RNF213: variants seen among roughly 807,000 people sequenced by gnomAD.
RNF213 encodes ring finger protein 213.
RNF213 carries 341 observed loss-of-function variants against 514.4 expected under a neutral mutation model. The observed-to-expected ratio is 0.66, with a 90% CI of 0.61 to 0.73. RNF213 has a LOEUF of 0.73. Ranked by LOEUF, RNF213 falls within the 30% of genes least tolerant of loss-of-function variation. The pLI is 0.00. For synonymous variants in RNF213, 2,655 were observed against 2,658.2 expected (o/e 1.00, Z 0.04); for missense variants, 5,767 against 6,615.6 (o/e 0.87, Z 4.45).
intron 1 of RNF213, among the ~76,000 whole-genome samples, chr17:80,262,901 C>T (rs560785363): frequency 6.6e-6 from 1 of 152,306 alleles, no homozygotes; most frequent in East Asian, 1.9e-4. Flanking sequence ...GCCACTGCCC[C>T]AGTGGAGTTC....
chr17:80,328,116 C>T, intron 19 of RNF213, 127 bp downstream of exon 19: 1 of 1,221,198 alleles, frequency 8.2e-7, no homozygotes, highest in Non-Finnish European at 1.1e-6. Flanking sequence ...AGTATCTCTT[C>T]TTGCTCATAA....
chr17:80,332,209 G>T lies in RNF213; in HGVS notation c.3721G>T (p.Ala1241Ser), dbSNP rs866950138. 1 of 1,537,146 alleles carries T rather than the reference G, an allele frequency of 6.5e-7. No individual in the cohort carries two copies. Among genetic ancestry groups the T allele is most frequent in the Non-Finnish European group, 8.7e-7 (1 of 1,146,916 alleles). Residue 1241 changes from alanine (A) to serine (S), a missense_variant, in exon 21 of 68, where the codon GCA becomes TCA. Around this residue, in one of 13 missense-constraint regions of RNF213, gnomAD observed 516 missense variants for 566.5 expected, o/e 0.91. Transcript: ENST00000582970. ...HIFQLFWREA[A>S]EPLSEPKEDQ... Reference sequence around the variant, plus strand: ...CTTCCAGCTCTTCTGGCGGGAAGCCGCAGAGCCGCTGAGTGAGCCTAAGGA... The same window carrying T: ...CTTCCAGCTCTTCTGGCGGGAAGCCTCAGAGCCGCTGAGTGAGCCTAAGGA...
intron 10 of RNF213, 99 bp downstream of exon 10, chr17:80,295,912 G>A: frequency 1.4e-6 from 2 of 1,408,526 alleles, no homozygotes; most frequent in Non-Finnish European, 2.0e-6. Context: ...AAAGCACACA[G>A]GCAAGAAATA....
intron 26 of RNF213, chr17:80,340,580 C>A: frequency 5.6e-6 from 3 of 539,050 alleles, no homozygotes; most frequent in East Asian, 3.3e-5. Flanking sequence ...TTCCTCCTCT[C>A]AGCAAACATC....
Position 80,315,299 on chromosome 17 carries a change from G to A in RNF213, c.2812-1889G>A, listed in dbSNP as rs565403500. Among the ~76,000 whole-genome samples, 4 of 65,486 alleles carry A rather than the reference G, an allele frequency of 6.1e-5. 1 individual carries two copies. Among genetic ancestry groups the A allele is most frequent in the Non-Finnish European group, 1.1e-4 (4 of 35,532 alleles). 43.0% of individuals were successfully genotyped at this position (65,486 alleles called of 152,430 possible). A position where few individuals can be genotyped will look rare whatever the true frequency, so the allele number is the denominator to read the frequency against. On this transcript the variant is annotated intron_variant, in intron 15 of 67. Coordinates refer to ENST00000582970, the MANE Select transcript of RNF213 (RefSeq NM_001256071.3). ...AGGTGATGGTGGTGGTGGTGGTGGAGGTAATGGAGGTGATGGTGGTGGTGG... is the reference window on the plus strand; with the variant it reads ...AGGTGATGGTGGTGGTGGTGGTGGAAGTAATGGAGGTGATGGTGGTGGTGG...
intron 3 of RNF213, among the ~76,000 whole-genome samples, chr17:80,281,516 AACACACACATG>A (rs2044286091): frequency 2.6e-5 from 2 of 76,474 alleles, no homozygotes; most frequent in East Asian, 3.9e-4. Flanking sequence ...CACACACCCC[AACACACACATG>A]CCCCACTCAT....
rs1468835606 is a variant in RNF213, at chr17:80,340,001, G to A, written c.5634G>A (p.Leu1878=). 6.5e-7 allele frequency: 1 copy of A among 1,538,654 alleles called. No homozygotes were observed. Among genetic ancestry groups the A allele is most frequent in the South Asian group, 1.2e-5 (1 of 84,182 alleles). ...CCTTTGAGGAGGTGGCACTGTTGCT[G>A]CGCCGCTGCCTGACCCTGGGCTCCC... ...ATTFEEVALL[L]RRCLTLGSLG... Residue 1878 remains leucine, a synonymous_variant, in exon 26 of 68, where the codon CTG becomes CTA. Coordinates refer to ENST00000582970, the MANE Select transcript of RNF213 (RefSeq NM_001256071.3).
chr17:80,371,766 A>G, intron 46 of RNF213, 108 bp from the exon 47 acceptor site: 1 of 678,802 alleles, frequency 1.5e-6, no homozygotes, highest in South Asian at 1.6e-5. Context: ...GTATATGTTT[A>G]TACACACACA....
Position 80,363,673 on chromosome 17 carries a change from G to C in RNF213, c.11633G>C (p.Ser3878Thr). ...EMLTRNTLKP[S>T]PQAWLQLVKN... is the part of the protein sequence containing the mutation. Reference sequence around the variant, plus strand: ...CTGACAAGAAACACCCTGAAGCCCAGTCCCCAGGCGTGGCTACAGTTGGTG... The same window carrying C: ...CTGACAAGAAACACCCTGAAGCCCACTCCCCAGGCGTGGCTACAGTTGGTG... Residue 3878 changes from serine (S) to threonine (T), a missense_variant, in exon 41 of 68, where the codon AGT becomes ACT. By Grantham distance (58) the Ser-to-Thr change is moderately conservative. Transcript: ENST00000582970. 6.2e-7 allele frequency: 1 copy of C among 1,614,156 alleles called. No individual in the cohort carries two copies. The highest frequency in any genetic ancestry group is 8.5e-7 in the Non-Finnish European group (1 of 1,180,036).
In RNF213 at chr17:80,352,615, C is replaced by A. The variant is rs529276167; in HGVS notation, c.10304-325C>A. 40 of 586,874 alleles carry A rather than the reference C, an allele frequency of 6.8e-5. No individual in the cohort carries two copies. The East Asian group carries it at 1.1e-3, about 16-fold the overall frequency. The allele number at this position is 586,874 out of a possible 1,614,324, so 36.4% of individuals were successfully genotyped here. A position where few individuals can be genotyped will look rare whatever the true frequency, so the allele number is the denominator to read the frequency against. ...CAGACCTTGCCAGTGTCCCCCACCC[C>A]TCACTAACTGTGATACAGCAAATAC... On this transcript the variant is annotated intron_variant, in intron 32 of 67. Coordinates refer to ENST00000582970, the MANE Select transcript of RNF213 (RefSeq NM_001256071.3).
At chr17:80,331,880 A>T in intron 20 of RNF213, 126 bp from the exon 21 acceptor site, 1 of 1,146,620 alleles carries the variant, frequency 8.7e-7, no homozygotes, top group South Asian at 1.7e-5. Flanking sequence ...CTGAGAAAGA[A>T]ATCCTAGCAG....
chr17:80,284,924 G>A (rs565228391), intron 3 of RNF213, among the ~76,000 whole-genome samples: 1 of 152,336 alleles, frequency 6.6e-6, no homozygotes, highest in Admixed American at 6.5e-5. Context: ...CCTATGGCCA[G>A]GATGATAGAC....
At chr17:80,295,948 C>A in intron 10 of RNF213, 135 bp downstream of exon 10, 1 of 924,302 alleles carries the variant, frequency 1.1e-6, no homozygotes, top group East Asian at 2.6e-5. Flanking sequence ...TTACCACTCA[C>A]TGTGGTCATG....
chr17:80,349,902 G>A lies in RNF213; in HGVS notation c.10084G>A (p.Val3362Ile). ...FDTEYSFLKE[V>I]RNCLTNTAKC... is the part of the protein sequence containing the mutation. ...CACCGAGTACTCATTCCTCAAAGAAGTCCGGTGAGGTTCCCTGCCTTCCCT... is the reference window on the plus strand; with the variant it reads ...CACCGAGTACTCATTCCTCAAAGAAATCCGGTGAGGTTCCCTGCCTTCCCT... The change falls in exon 30 of 68, where the codon GTC becomes ATC. Residue 3362 changes from valine to isoleucine, a missense_variant. Around this residue, in one of 13 missense-constraint regions of RNF213, gnomAD observed 919 missense variants for 1,121.0 expected, o/e 0.82. Transcript: ENST00000582970. 1 of 1,613,298 alleles carries A rather than the reference G, an allele frequency of 6.2e-7. No homozygotes were observed. The highest frequency in any genetic ancestry group is 8.5e-7 in the Non-Finnish European group (1 of 1,179,906).
Position 80,304,639 on chromosome 17 carries a change from CAAAT to C in RNF213, c.2211-1594_2211-1591del, listed in dbSNP as rs531433807. On this transcript the variant is annotated intron_variant, in intron 11 of 67. Transcript: ENST00000582970. ...AAGGCAACAGAGTGAGACTCCAACACAAATAAATAAATAAATAAATAATAATAAT... is the reference window on the plus strand; with the variant it reads ...AAGGCAACAGAGTGAGACTCCAACACAAATAAATAAATAAATAATAATAAT... Among the ~76,000 whole-genome samples the C allele has an allele frequency of 4.4e-3, 665 of 151,322 alleles. 12 individuals are homozygous for C. Among genetic ancestry groups the C allele is most frequent in the South Asian group, 0.025 (121 of 4,788 alleles).
intron 7 of RNF213, 122 bp from the exon 8 acceptor site, chr17:80,291,506 G>A (rs2044727883): frequency 2.1e-6 from 2 of 973,124 alleles, no homozygotes; most frequent in Non-Finnish European, 3.3e-6. Context: ...TTCAGGCATG[G>A]GCCACTGAAC....
At chr17:80,334,530 C>G (rs562073083) in intron 22 of RNF213, among the ~76,000 whole-genome samples, 1 of 152,214 alleles carries the variant, frequency 6.6e-6, no homozygotes, top group Admixed American at 6.5e-5. Flanking sequence ...GGCTCAGGTT[C>G]CTTTTCCTTA....
chr17:80,298,263 C>A lies in RNF213; in HGVS notation c.2013-58C>A. 8 of 1,582,748 alleles carry A rather than the reference C, an allele frequency of 5.1e-6. No homozygotes were observed. The South Asian group carries it at 9.0e-5, about 18-fold the overall frequency. On this transcript the variant is annotated intron_variant, in intron 10 of 67. Coordinates refer to ENST00000582970, the MANE Select transcript of RNF213 (RefSeq NM_001256071.3). Reference sequence around the variant, plus strand: ...TGCTTCCTGTTGGGACTCCAGACTCCCAGGGAGATGACTCCCTGGCCAGCT... The same window carrying A: ...TGCTTCCTGTTGGGACTCCAGACTCACAGGGAGATGACTCCCTGGCCAGCT...
At chr17:80,385,202 G>A in intron 60 of RNF213, 31 bp downstream of exon 60, 2 of 1,614,068 alleles carry the variant, frequency 1.2e-6, no homozygotes. Flanking sequence ...GACCAGGACT[G>A]TCCCGCATTT....
Sources: allele counts gnomAD v4.1 joint callset (sites outside exome capture counted in the v4.1 genomes callset), GRCh38; gene constraint gnomAD v4.1.1; regional missense constraint gnomAD v4.1.1; transcripts MANE v1.5; gene names NCBI Gene and HGNC (gene_info 2026-07-23, HGNC 2026-07-21).